PCDH15: variants seen among roughly 807,000 people sequenced by gnomAD.
PCDH15 encodes protocadherin related 15.
A neutral mutation model predicts 178.5 loss-of-function variants in PCDH15; 129 were observed. That is an observed-to-expected ratio of 0.72 (90% CI 0.63 to 0.84). The LOEUF is 0.84. Ranked by LOEUF, PCDH15 falls within the 40% of genes least tolerant of loss-of-function variation. The probability of loss-of-function intolerance (pLI) is 0.00; values close to 1 mark genes in which losing one functional copy is unlikely to be tolerated. For missense variants in PCDH15, 2,230 were observed against 2,099.9 expected, an observed-to-expected ratio of 1.06 and a Z score of -1.21; for synonymous variants, 800 against 732.0, an observed-to-expected ratio of 1.09 and a Z score of -1.50.
chr10:54,629,568 A>G lies in PCDH15; in HGVS notation c.91+34604T>C, dbSNP rs144292779. On this transcript the variant is annotated intron_variant, in intron 2 of 37. Transcript: ENST00000644397. ...CATCTCTTTATGATAAAAACCTACA[A>G]CAAACTAGGCATTAAACATACCTCA... Among the ~76,000 whole-genome samples the G allele has an allele frequency of 3.9e-5, 6 of 152,256 alleles. No homozygotes were observed. In the East Asian group the frequency reaches 9.7e-4, roughly 25 times the overall value.
chr10:54,765,740 G>GC (rs150809653), intron 1 of PCDH15, among the ~76,000 whole-genome samples: 1,885 of 152,108 alleles, frequency 0.012, 46 homozygotes, highest in African/African-American at 0.043. Context: ...GAAATTAGAA[G>GC]TTCAGATCTA....
At chr10:54,688,147 T>C (rs1296829618) in intron 1 of PCDH15, among the ~76,000 whole-genome samples, 1 of 152,080 alleles carries the variant, frequency 6.6e-6, no homozygotes, top group Non-Finnish European at 1.5e-5. Context: ...AAAATAAAAT[T>C]GTCAGCCCAA....
intron 3 of PCDH15, among the ~76,000 whole-genome samples, chr10:54,488,401 C>T (rs997001020): frequency 6.6e-6 from 1 of 151,356 alleles, no homozygotes; most frequent in African/African-American, 2.4e-5. Flanking sequence ...GTAGCAATAA[C>T]TTAGGGCCGT....
At chr10:54,152,812 A>T (rs1165929934) in intron 14 of PCDH15, among the ~76,000 whole-genome samples, 1 of 152,118 alleles carries the variant, frequency 6.6e-6, no homozygotes, top group East Asian at 1.9e-4. Context: ...ACCCTGAGAC[A>T]TTACATGCCA....
intron 3 of PCDH15, among the ~76,000 whole-genome samples, chr10:54,430,666 A>C (rs1464876705): frequency 6.6e-6 from 1 of 152,098 alleles, no homozygotes; most frequent in East Asian, 1.9e-4. Flanking sequence ...AAAGAAGAAA[A>C]TTTCAAAATA....
chr10:55,061,854 T>C (rs1293344050), intron 2 of PCDH15, among the ~76,000 whole-genome samples: 1 of 152,072 alleles, frequency 6.6e-6, no homozygotes, highest in Non-Finnish European at 1.5e-5. Flanking sequence ...ACCCCGACTC[T>C]ACTAAAAATA....
intron 3 of PCDH15, among the ~76,000 whole-genome samples, chr10:54,473,915 A>T (rs896616969): frequency 4.0e-5 from 6 of 151,792 alleles, no homozygotes; most frequent in Admixed American, 2.6e-4. Flanking sequence ...TTATTTTTAA[A>T]TTCTCTATAA....
intron 2 of PCDH15, among the ~76,000 whole-genome samples, chr10:54,928,912 T>C (rs1457217103): frequency 6.6e-6 from 1 of 152,180 alleles, no homozygotes; most frequent in African/African-American, 2.4e-5. Flanking sequence ...ATCCATATTG[T>C]AAATTCTACT....
At chr10:55,584,658 CAAAAA>C (rs59983365) in intron 2 of PCDH15, among the ~76,000 whole-genome samples, 5 of 72,256 alleles carry the variant, frequency 6.9e-5, no homozygotes, top group Admixed American at 3.6e-4. Flanking sequence ...ACTCTGTCTC[CAAAAA>C]AAAAAAAAAA....
At chr10:54,464,191 G>A (rs950980899) in intron 3 of PCDH15, among the ~76,000 whole-genome samples, 4 of 152,100 alleles carry the variant, frequency 2.6e-5, no homozygotes, top group African/African-American at 7.2e-5. Flanking sequence ...GTGCCTCAGC[G>A]TGGTTGAAAT....
intron 2 of PCDH15, among the ~76,000 whole-genome samples, chr10:54,648,288 A>G (rs1377941918): frequency 2.0e-5 from 3 of 152,136 alleles, no homozygotes; most frequent in African/African-American, 7.2e-5. Context: ...ACAGGACAGC[A>G]GCAGTGCCTT....
intron 26 of PCDH15, among the ~76,000 whole-genome samples, chr10:53,881,109 A>G (rs1443417026): frequency 1.3e-5 from 2 of 152,206 alleles, no homozygotes; most frequent in African/African-American, 2.4e-5. Context: ...CCAACTTACA[A>G]GTTTGCTAAA....
intron 2 of PCDH15, among the ~76,000 whole-genome samples, chr10:55,431,940 A>G (rs1009725471): frequency 6.6e-6 from 1 of 152,170 alleles, no homozygotes; most frequent in African/African-American, 2.4e-5. Flanking sequence ...TGCTCCCAAC[A>G]AACGCTTATC....
At chr10:54,329,362 G>A (rs538435341) in intron 7 of PCDH15, among the ~76,000 whole-genome samples, 89 of 151,850 alleles carry the variant, frequency 5.9e-4, no homozygotes, top group African/African-American at 2.1e-3. Flanking sequence ...TAAAAAGGTT[G>A]GATAATGGAT....
intron 2 of PCDH15, among the ~76,000 whole-genome samples, chr10:55,390,938 A>T (rs985310451): frequency 2.0e-5 from 3 of 152,194 alleles, no homozygotes; most frequent in African/African-American, 7.2e-5. Context: ...TTAAGACTTA[A>T]GGACCCTGGA....
intron 2 of PCDH15, among the ~76,000 whole-genome samples, chr10:54,584,415 T>C (rs2091298704): frequency 6.6e-6 from 1 of 152,052 alleles, no homozygotes; most frequent in Non-Finnish European, 1.5e-5. Context: ...AAAGGAACTG[T>C]ATTTGCTTCT....
At chr10:54,333,889 T>A (rs892707879) in intron 6 of PCDH15, among the ~76,000 whole-genome samples, 1 of 152,192 alleles carries the variant, frequency 6.6e-6, no homozygotes, top group Non-Finnish European at 1.5e-5. Context: ...ATTTTTCTCT[T>A]CTTTCATTCT....
intron 26 of PCDH15, among the ~76,000 whole-genome samples, chr10:53,888,310 G>GTATATATATATATA: frequency 3.5e-5 from 1 of 28,702 alleles, no homozygotes; most frequent in South Asian, 1.8e-3. Context: ...ATATATATAT[G>GTATATATATATATA]TATATATGTA....
chr10:55,074,032 G>T (rs909878152), intron 2 of PCDH15, among the ~76,000 whole-genome samples: 2 of 152,076 alleles, frequency 1.3e-5, no homozygotes, highest in African/African-American at 4.8e-5. Context: ...TCCCTGCAAA[G>T]TGCATGATCT....
Sources: gnomAD v4.1 joint callset for allele counts (sites outside exome capture counted in the v4.1 genomes callset) on GRCh38, gnomAD v4.1.1 for gene constraint, MANE v1.5 for transcripts, NCBI Gene and HGNC (gene_info 2026-07-23, HGNC 2026-07-21) for gene names.